The following ARB2A variants were observed in gnomAD, a reference collection of about 807,000 sequenced individuals.
ARB2A encodes ARB2 cotranscriptional regulator A.
the ARB2A span, among the ~76,000 whole-genome samples, chr5:93,785,093 T>A: frequency 1.3e-5 from 2 of 152,200 alleles, no homozygotes; most frequent in Non-Finnish European, 2.9e-5. Flanking sequence ...TTATAATAAC[T>A]TCTTCCTATA....
chr5:93,882,977 A>T, the ARB2A span, among the ~76,000 whole-genome samples: 2 of 151,588 alleles, frequency 1.3e-5, no homozygotes, highest in Admixed American at 6.6e-5. Flanking sequence ...AGATGATTTT[A>T]AAAAATTGAC....
chr5:93,664,234 C>A, the ARB2A span, among the ~76,000 whole-genome samples: 1 of 151,966 alleles, frequency 6.6e-6, no homozygotes, highest in Non-Finnish European at 1.5e-5. Flanking sequence ...GTGCGTGCCA[C>A]CATGCCTGGC....
chr5:93,937,281 G>C, the ARB2A span, among the ~76,000 whole-genome samples: 2 of 151,828 alleles, frequency 1.3e-5, no homozygotes, highest in African/African-American at 4.8e-5. Flanking sequence ...GTGTGGGTGG[G>C]GGGAGGAGGA....
the ARB2A span, among the ~76,000 whole-genome samples, chr5:93,746,595 T>C: frequency 2.6e-5 from 4 of 152,196 alleles, no homozygotes; most frequent in Non-Finnish European, 4.4e-5. Flanking sequence ...ATTGCTGCTT[T>C]GAAACAAATG....
chr5:93,935,904 G>C, the ARB2A span, among the ~76,000 whole-genome samples: 1 of 152,028 alleles, frequency 6.6e-6, no homozygotes, highest in Admixed American at 6.6e-5. Flanking sequence ...AAGAATGAAA[G>C]GGAAAATGTT....
At chr5:93,682,978 T>G in the ARB2A span, 1 of 1,583,930 alleles carries the variant, frequency 6.3e-7, no homozygotes, top group Non-Finnish European at 8.6e-7. Context: ...GCATTTTTGC[T>G]TTAATGTCTT....
the ARB2A span, among the ~76,000 whole-genome samples, chr5:93,857,753 C>T: frequency 1.3e-5 from 2 of 152,204 alleles, no homozygotes; most frequent in African/African-American, 4.8e-5. Flanking sequence ...GAGGCAATGC[C>T]TCGTCCTGCT....
chr5:93,826,714 T>A, the ARB2A span, among the ~76,000 whole-genome samples: 2 of 151,496 alleles, frequency 1.3e-5, no homozygotes, highest in African/African-American at 4.8e-5. Context: ...CATTTAACAT[T>A]AGGTATATCT....
At chr5:93,829,837 GA>G in the ARB2A span, among the ~76,000 whole-genome samples, 1 of 152,146 alleles carries the variant, frequency 6.6e-6, no homozygotes, top group African/African-American at 2.4e-5. Flanking sequence ...TAAAAATGAG[GA>G]TAGTGGTTAA....
At chr5:93,686,577 G>T in the ARB2A span, among the ~76,000 whole-genome samples, 2 of 151,648 alleles carry the variant, frequency 1.3e-5, no homozygotes, top group African/African-American at 2.4e-5. Context: ...CTTCCTATTA[G>T]CCCTTGTTTT....
chr5:93,663,047 T>C, the ARB2A span, among the ~76,000 whole-genome samples: 7 of 152,090 alleles, frequency 4.6e-5, no homozygotes, highest in African/African-American at 1.4e-4. Flanking sequence ...CCTAATTGCA[T>C]TGACTAGGAC....
chr5:93,945,794 A>G, the ARB2A span, among the ~76,000 whole-genome samples: 1 of 152,176 alleles, frequency 6.6e-6, no homozygotes, highest in Admixed American at 6.5e-5. Flanking sequence ...GACATCACCA[A>G]GTGCCAAACA....
At chr5:93,688,587 T>C in the ARB2A span, among the ~76,000 whole-genome samples, 2 of 152,328 alleles carry the variant, frequency 1.3e-5, no homozygotes, top group Admixed American at 6.5e-5. Context: ...TTTTAAAAAA[T>C]TGTGTTTATT....
At chr5:94,094,256 TG>T in the ARB2A span, among the ~76,000 whole-genome samples, 6 of 152,190 alleles carry the variant, frequency 3.9e-5, no homozygotes, top group Non-Finnish European at 2.9e-5. Flanking sequence ...CAGGGTTGGT[TG>T]GTTTCTGATA....
chr5:94,074,132 C>A, the ARB2A span, among the ~76,000 whole-genome samples: 6 of 152,208 alleles, frequency 3.9e-5, no homozygotes, highest in South Asian at 1.2e-3. Flanking sequence ...ACAGACACTT[C>A]TTTTCGAAGT....
At chr5:93,957,875 C>CT in the ARB2A span, among the ~76,000 whole-genome samples, 5 of 151,998 alleles carry the variant, frequency 3.3e-5, no homozygotes, top group East Asian at 7.7e-4. Flanking sequence ...ATAAAGCCTA[C>CT]ATGGACACAT....
the ARB2A span, among the ~76,000 whole-genome samples, chr5:93,953,774 C>A: frequency 6.6e-6 from 1 of 152,108 alleles, no homozygotes; most frequent in Non-Finnish European, 1.5e-5. Flanking sequence ...GAAGCCAGGG[C>A]ATAGAGTCAG....
chr5:93,940,495 ATTAG>A, the ARB2A span, among the ~76,000 whole-genome samples: 11 of 152,094 alleles, frequency 7.2e-5, no homozygotes, highest in Admixed American at 3.3e-4. Flanking sequence ...ATAATTAGGT[ATTAG>A]TTAGAATTTC....
the ARB2A span, among the ~76,000 whole-genome samples, chr5:94,050,233 GCTCA>G: frequency 1.3e-5 from 2 of 149,708 alleles, no homozygotes; most frequent in Non-Finnish European, 3.0e-5. Context: ...AGCCACCACA[GCTCA>G]CCTAAAAACA....
Sources: gnomAD v4.1 joint callset for allele counts (sites outside exome capture counted in the v4.1 genomes callset) on GRCh38, gnomAD v4.1.1 for gene constraint, MANE v1.5 for transcripts, NCBI Gene and HGNC (gene_info 2026-07-23, HGNC 2026-07-21) for gene names.